Variants in CRISPLD2 observed in about 807,000 individuals in gnomAD.
CRISPLD2 encodes cysteine rich secretory protein LCCL domain containing 2, also known as cysteine-rich secretory protein LCCL domain-containing 2.
CRISPLD2 carries 47 observed loss-of-function variants against 71.1 expected under a neutral mutation model. The ratio of observed to expected loss-of-function variants is 0.66; its 90% CI spans 0.52 to 0.84. The LOEUF (loss-of-function observed/expected upper bound fraction) is 0.84. Ranked by LOEUF, CRISPLD2 falls within the 40% of genes least tolerant of loss-of-function variation. The pLI, the probability that CRISPLD2 is intolerant of heterozygous loss-of-function variation, is 0.00. For synonymous variants in CRISPLD2, 317 were observed against 250.1 expected, an observed-to-expected ratio of 1.27 and a Z score of -2.52; for missense variants, 830 against 651.1, an observed-to-expected ratio of 1.27 and a Z score of -2.99.
chr16:84,852,684 G>T (rs1252759385), intron 5 of CRISPLD2, among the ~76,000 whole-genome samples: 6 of 152,024 alleles, frequency 3.9e-5, no homozygotes, highest in African/African-American at 1.4e-4. Flanking sequence ...CAGATCCCTT[G>T]AGGGGGATTC....
chr16:84,880,582 G>T lies in CRISPLD2; in HGVS notation c.1303G>T (p.Asp435Tyr). The change falls in exon 13 of 15, where the codon GAT becomes TAT. Residue 435 changes from aspartate to tyrosine, a missense_variant and splice_region_variant. Transcript: ENST00000262424. ...APVFGTNIYA[D>Y]TSSICKTAVH... ...GGTGTTTGGAACCAACATCTATGCAGATGTGAGTAGGATGCATTTTCAACA... is the reference window on the plus strand; with the variant it reads ...GGTGTTTGGAACCAACATCTATGCATATGTGAGTAGGATGCATTTTCAACA... The T allele has an allele frequency of 6.2e-7, 1 of 1,613,230 alleles. No homozygotes were observed. Among genetic ancestry groups the T allele is most frequent in the Non-Finnish European group, 8.5e-7 (1 of 1,179,328 alleles).
At chr16:84,876,401 T>G (rs1023899995) in intron 11 of CRISPLD2, among the ~76,000 whole-genome samples, 4 of 148,790 alleles carry the variant, frequency 2.7e-5, no homozygotes, top group African/African-American at 1.0e-4. Context: ...ACTTGGGAGG[T>G]TGAGGCAGGA....
At chr16:84,827,019 G>A (rs1399920498) in intron 1 of CRISPLD2, among the ~76,000 whole-genome samples, 1 of 152,000 alleles carries the variant, frequency 6.6e-6, no homozygotes, top group African/African-American at 2.4e-5. Context: ...AACATACCAG[G>A]GAAGAGGGCA....
chr16:84,875,086 C>T (rs1443043073), intron 11 of CRISPLD2, among the ~76,000 whole-genome samples: 2 of 151,992 alleles, frequency 1.3e-5, no homozygotes, highest in African/African-American at 4.8e-5. Context: ...GCAAAAAACA[C>T]ACAAAATTAG....
chr16:84,900,842 A>T (rs2071747173), intron 14 of CRISPLD2, among the ~76,000 whole-genome samples: 1 of 152,140 alleles, frequency 6.6e-6, no homozygotes, highest in Non-Finnish European at 1.5e-5. Context: ...GCTTGAGCCC[A>T]GGAGTTCGAG....
chr16:84,843,332 G>A (rs184085589), intron 2 of CRISPLD2, among the ~76,000 whole-genome samples: 4 of 152,212 alleles, frequency 2.6e-5, no homozygotes, highest in Non-Finnish European at 4.4e-5. Context: ...TTGAGAAAGC[G>A]GCTTGGAAAC....
Position 84,854,240 on chromosome 16 carries a change from G to C in CRISPLD2, c.609-489G>C, listed in dbSNP as rs28417633. Among the ~76,000 whole-genome samples, 890 of 152,344 alleles carry C rather than the reference G, an allele frequency of 5.8e-3. 10 individuals are homozygous for C. Among genetic ancestry groups the C allele is most frequent in the African/African-American group, 0.02 (833 of 41,570 alleles). ...TATTGAATTCCAGCTCTTCCCTCCT[G>C]GGGTGTTGGGGAGATGGGGTGAGGA... On this transcript the variant is annotated intron_variant, in intron 5 of 14. Coordinates refer to ENST00000262424, the MANE Select transcript of CRISPLD2 (RefSeq NM_031476.4).
rs8045364 is a variant in CRISPLD2 at position 84,868,935 on chromosome 16, G to C, written c.914+24G>C. 3.3e-6 allele frequency: 5 copies of C among 1,518,050 alleles called. No individual in the cohort carries two copies. In the South Asian group the frequency reaches 3.5e-5, roughly 11 times the overall value. 94.0% of individuals were successfully genotyped at this position (1,518,050 alleles called of 1,614,324 possible). Reference sequence around the variant, plus strand: ...AGGTGAGCCTGTGCTGGGCTGTCCTGCCACTGTAGCCTCTGAGTCTGTGCT... The same window carrying C: ...AGGTGAGCCTGTGCTGGGCTGTCCTCCCACTGTAGCCTCTGAGTCTGTGCT... On this transcript the variant is annotated intron_variant, in intron 8 of 14. Coordinates refer to ENST00000262424, the MANE Select transcript of CRISPLD2 (RefSeq NM_031476.4).
At chr16:84,835,667 C>A (rs117593094) in intron 1 of CRISPLD2, among the ~76,000 whole-genome samples, 1 of 152,222 alleles carries the variant, frequency 6.6e-6, no homozygotes, top group East Asian at 1.9e-4. Context: ...CTTCTGTTGT[C>A]TTCCAATGTG....
At chr16:84,846,031 T>A in intron 3 of CRISPLD2, 127 bp downstream of exon 3, 1 of 604,656 alleles carries the variant, frequency 1.7e-6, no homozygotes, top group Non-Finnish European at 2.9e-6. Context: ...CCCATCGATA[T>A]TCTGGGAAAC....
At chr16:84,867,841 G>T (rs533214808) in intron 7 of CRISPLD2, among the ~76,000 whole-genome samples, 1 of 152,134 alleles carries the variant, frequency 6.6e-6, no homozygotes, top group Non-Finnish European at 1.5e-5. Flanking sequence ...GGCTCCCTGG[G>T]CACCTCAGCT....
At chr16:84,865,501 G>C (rs1290301297) in intron 6 of CRISPLD2, among the ~76,000 whole-genome samples, 1 of 152,168 alleles carries the variant, frequency 6.6e-6, no homozygotes, top group Non-Finnish European at 1.5e-5. Flanking sequence ...ACCTGCGAGC[G>C]TGCTCTAGTT....
intron 14 of CRISPLD2, among the ~76,000 whole-genome samples, chr16:84,892,635 C>T (rs1026508383): frequency 2.0e-5 from 3 of 151,986 alleles, no homozygotes; most frequent in Admixed American, 1.3e-4. Context: ...AAAAACACAC[C>T]GCATCTTCAA....
At chr16:84,829,796 A>C (rs1324654445) in intron 1 of CRISPLD2, among the ~76,000 whole-genome samples, 13 of 152,216 alleles carry the variant, frequency 8.5e-5, no homozygotes, top group African/African-American at 3.1e-4. Context: ...CGTCTGTAAA[A>C]TAGGGCTATT....
At chr16:84,892,649 T>C (rs948049458) in intron 14 of CRISPLD2, among the ~76,000 whole-genome samples, 1 of 152,020 alleles carries the variant, frequency 6.6e-6, no homozygotes, top group African/African-American at 2.4e-5. Flanking sequence ...TCTTCAAGAT[T>C]TTATACCCTT....
chr16:84,849,954 G>A (rs944246873), intron 4 of CRISPLD2, among the ~76,000 whole-genome samples: 3 of 151,056 alleles, frequency 2.0e-5, no homozygotes, highest in Non-Finnish European at 4.4e-5. Flanking sequence ...GCAAACTCCT[G>A]GGCTCATGCA....
rs138955762 is a variant in CRISPLD2 at position 84,873,063 on chromosome 16, C to G, written c.1053C>G (p.Thr351=). 4 of 1,613,920 alleles carry G rather than the reference C, an allele frequency of 2.5e-6. No individual in the cohort carries two copies. The highest frequency in any genetic ancestry group is 3.4e-6 in the Non-Finnish European group (4 of 1,179,978). The change falls in exon 10 of 15, where the codon ACC becomes ACG. Residue 351 remains threonine (T), a synonymous_variant. Coordinates refer to ENST00000262424, the MANE Select transcript of CRISPLD2 (RefSeq NM_031476.4). The part of the protein sequence containing the change: ...LDDKGGLVDI[T]RNGKVPFFVK... ...ACAAGGGAGGCCTGGTGGATATCAC[C>G]AGGAACGGGAAGGTCCCCTTCTTCG...
chr16:84,902,772 C>CTT (rs757030374), intron 14 of CRISPLD2, among the ~76,000 whole-genome samples: 5,708 of 85,810 alleles, frequency 0.067, 827 homozygotes, highest in African/African-American at 0.11. Context: ...CGGCCCATTG[C>CTT]TTTTTTTTTT....
intron 1 of CRISPLD2, among the ~76,000 whole-genome samples, chr16:84,832,020 C>T (rs1916501120): frequency 6.6e-6 from 1 of 152,250 alleles, no homozygotes; most frequent in Admixed American, 6.5e-5. Flanking sequence ...CAGGCGTGAG[C>T]CGCCATGTCC....
Sources: gnomAD v4.1 joint callset for allele counts (sites outside exome capture counted in the v4.1 genomes callset) on GRCh38, gnomAD v4.1.1 for gene constraint, MANE v1.5 for transcripts, NCBI Gene and HGNC (gene_info 2026-07-23, HGNC 2026-07-21) for gene names.